CDK19: variants seen among roughly 807,000 people sequenced by gnomAD.
CDK19 encodes the protein cyclin dependent kinase 19.
A neutral mutation model predicts 68.3 loss-of-function variants in CDK19; 20 were observed. The ratio of observed to expected loss-of-function variants is 0.29; its 90% CI spans 0.21 to 0.43. The LOEUF (loss-of-function observed/expected upper bound fraction) is 0.43. Ranked by LOEUF, CDK19 falls within the 20% of genes least tolerant of loss-of-function variation. The pLI, the probability that CDK19 is intolerant of heterozygous loss-of-function variation, is 1.00. For synonymous variants in CDK19, 221 were observed against 222.8 expected (o/e 0.99, Z 0.07); for missense variants, 339 against 623.5 (o/e 0.54, Z 4.86).
intron 4 of CDK19, among the ~76,000 whole-genome samples, chr6:110,654,969 A>G (rs1781215457): frequency 1.3e-5 from 2 of 152,014 alleles, no homozygotes; most frequent in Admixed American, 1.3e-4. Flanking sequence ...AGAAAGAAAG[A>G]ACAGAAGTTG....
intron 2 of CDK19, among the ~76,000 whole-genome samples, chr6:110,708,112 C>T (rs938150678): frequency 7.9e-5 from 12 of 152,298 alleles, no homozygotes; most frequent in African/African-American, 2.9e-4. Flanking sequence ...GGAAAGCGCT[C>T]TTTTCAGGCT....
chr6:110,785,209 A>G (rs1562286389), intron 1 of CDK19, among the ~76,000 whole-genome samples: 3 of 152,102 alleles, frequency 2.0e-5, no homozygotes, highest in South Asian at 2.1e-4. Context: ...TTGATAGCCA[A>G]TTTGCCTTCA....
chr6:110,677,754 T>C (rs1771652382), intron 2 of CDK19, among the ~76,000 whole-genome samples: 1 of 152,144 alleles, frequency 6.6e-6, no homozygotes, highest in African/African-American at 2.4e-5. Flanking sequence ...TGAATTATAT[T>C]AGAGTATCTT....
chr6:110,809,973 T>A (rs1183821841), intron 1 of CDK19, among the ~76,000 whole-genome samples: 2 of 152,160 alleles, frequency 1.3e-5, no homozygotes, highest in African/African-American at 4.8e-5. Context: ...AGTTGGGTAT[T>A]GAAGTATGAG....
chr6:110,769,006 T>C (rs1190371632), intron 1 of CDK19, among the ~76,000 whole-genome samples: 2 of 149,772 alleles, frequency 1.3e-5, no homozygotes, highest in African/African-American at 4.9e-5. Flanking sequence ...TACAGAAAAA[T>C]TAGCCTGGCA....
intron 2 of CDK19, among the ~76,000 whole-genome samples, chr6:110,726,892 A>G (rs1176311266): frequency 1.3e-5 from 2 of 152,202 alleles, no homozygotes; most frequent in Non-Finnish European, 2.9e-5. Flanking sequence ...ATAATCCCAT[A>G]AAGTCTACAA....
chr6:110,622,865 C>T lies in CDK19; in HGVS notation c.981G>A (p.Glu327=), dbSNP rs924433907. Residue 327 remains glutamate (E), a synonymous_variant, in exon 10 of 13, where the codon GAG becomes GAA. Coordinates refer to ENST00000368911, the MANE Select transcript of CDK19 (RefSeq NM_015076.5). ...TMDPTKRITS[E]QALQDPYFQE... ...GAAAATAGGGATCCTGCAGAGCTTG[C>T]TCCGAGGTAATTCTCTTGGTTGGAT... 6.2e-7 allele frequency: 1 copy of T among 1,613,818 alleles called. No homozygotes were observed. The highest frequency in any genetic ancestry group is 8.5e-7 in the Non-Finnish European group (1 of 1,179,698).
chr6:110,742,814 A>G (rs1401973472), intron 2 of CDK19, among the ~76,000 whole-genome samples: 1 of 152,128 alleles, frequency 6.6e-6, no homozygotes, highest in Non-Finnish European at 1.5e-5. Context: ...TGAGATGTTT[A>G]TCAAGACAAT....
rs183074471 is a variant in CDK19, at chr6:110,786,020, A to G, written c.128+28989T>C. Among the ~76,000 whole-genome samples the G allele has an allele frequency of 5.8e-4, 88 of 152,146 alleles. 1 individual carries two copies. Among genetic ancestry groups the G allele is most frequent in the African/African-American group, 2.0e-3 (82 of 41,532 alleles). ...AAAGGAAAATAAAAAGAAATACATC[A>G]TAATTTCTGCCTGACTTTTTTGCTT... On this transcript the variant is annotated intron_variant, in intron 1 of 12. Coordinates refer to ENST00000368911, the MANE Select transcript of CDK19 (RefSeq NM_015076.5).
intron 1 of CDK19, among the ~76,000 whole-genome samples, chr6:110,760,439 T>C (rs1779157527): frequency 7.3e-6 from 1 of 137,738 alleles, no homozygotes; most frequent in South Asian, 2.4e-4. Context: ...CTATATTAAC[T>C]CTTTTAGGCT....
intron 2 of CDK19, among the ~76,000 whole-genome samples, chr6:110,733,880 T>A (rs1181081806): frequency 2.0e-5 from 3 of 152,172 alleles, no homozygotes; most frequent in African/African-American, 7.2e-5. Context: ...ATTATTGATT[T>A]TCCGGTATAA....
At chr6:110,699,916 C>A (rs1773849310) in intron 2 of CDK19, among the ~76,000 whole-genome samples, 1 of 152,146 alleles carries the variant, frequency 6.6e-6, no homozygotes, top group Admixed American at 6.5e-5. Flanking sequence ...GGGCCATGGA[C>A]CCATACTGGC....
rs1210437855 is a variant in CDK19 at position 110,814,753 on chromosome 6, C to G, written c.128+256G>C. 6 of 645,244 alleles carry G rather than the reference C, an allele frequency of 9.3e-6. No homozygotes were observed. The African/African-American group carries it at 1.1e-4, about 12-fold the overall frequency. The allele number at this position is 645,244 out of a possible 1,614,324, so 40.0% of individuals were successfully genotyped here. On this transcript the variant is annotated intron_variant, in intron 1 of 12. Transcript: ENST00000368911. ...AGTCCCCCCGCCGTCTCCGAGCACT[C>G]GGAGGGCGCCCCTCTGGGACGGGAC...
At chr6:110,813,117 G>A (rs750872673) in intron 1 of CDK19, 26 of 150,514 alleles carry the variant, frequency 1.7e-4, no homozygotes, top group Non-Finnish European at 3.5e-4. Context: ...TAGTAAAGAA[G>A]CTTTATTAAT....
In CDK19 at chr6:110,621,294, G is replaced by A. The variant is rs759944605; in HGVS notation, c.1187C>T (p.Pro396Leu). 3 of 1,610,286 alleles carry A rather than the reference G, an allele frequency of 1.9e-6. No individual in the cohort carries two copies. Among genetic ancestry groups the A allele is most frequent in the East Asian group, 4.5e-5 (2 of 44,812 alleles). Residue 396 changes from proline to leucine, a missense_variant, in exon 12 of 13, where the codon CCC becomes CTC. This residue lies in a region of CDK19 where 155 missense variants were observed against 222.7 expected (regional missense o/e 0.70). Transcript: ENST00000368911. This position sits in a 1 kb window ranked among gnomAD's most constrained non-coding sequence, Gnocchi z 5.4. ...CTGGGTGCTGTTCTGCTGTGGTGGG[G>A]GCGCCTGTGGAGGGGCTGCTGCCTG... ...PQQAAAPPQA[P>L]PPQQNSTQTN...
intron 1 of CDK19, among the ~76,000 whole-genome samples, chr6:110,753,369 C>A (rs548362438): frequency 6.6e-6 from 1 of 151,928 alleles, no homozygotes; most frequent in South Asian, 2.1e-4. Flanking sequence ...CCAAAAAAAA[C>A]TTTCAAAACA....
intron 1 of CDK19, among the ~76,000 whole-genome samples, chr6:110,754,356 T>C (rs1778687874): frequency 6.6e-6 from 1 of 152,138 alleles, no homozygotes; most frequent in East Asian, 1.9e-4. Context: ...TTCTTATTGC[T>C]GGGAAATGAA....
At chr6:110,815,563 C>G (rs1783576557), upstream of CDK19, 1 of 155,522 alleles carries the variant, frequency 6.4e-6, no homozygotes, top group African/African-American at 2.4e-5. Context: ...ATACAGCTCC[C>G]AGGTTACCTC....
At chr6:110,617,662 TACACACACACACACAC>T (rs561387463) in intron 12 of CDK19, among the ~76,000 whole-genome samples, 23 of 107,158 alleles carry the variant, frequency 2.1e-4, no homozygotes, top group South Asian at 9.7e-4. Context: ...TATATATATA[TACACACACACACACAC>T]ACACACACAC....
Sources: gnomAD v4.1 joint callset for allele counts (sites outside exome capture counted in the v4.1 genomes callset) on GRCh38, gnomAD v4.1.1 for gene constraint, gnomAD v4.1.1 regional missense constraint, Gnocchi (gnomAD v3.1) non-coding constraint, MANE v1.5 for transcripts, NCBI Gene and HGNC (gene_info 2026-07-23, HGNC 2026-07-21) for gene names.